Variants in ADAP1 observed in about 807,000 individuals in gnomAD.
The protein encoded by ADAP1 is arf-GAP with dual PH domain-containing protein 1.
ADAP1 carries 31 observed loss-of-function variants against 54.9 expected under a neutral mutation model. That is an observed-to-expected ratio of 0.56 (90% confidence interval 0.42 to 0.76). The LOEUF is 0.76. Ranked by LOEUF, ADAP1 falls within the 30% of genes least tolerant of loss-of-function variation. ADAP1 has a pLI of 0.00. For missense variants in ADAP1, 535 were observed against 512.4 expected, an observed-to-expected ratio of 1.04 and a Z score of -0.42; for synonymous variants, 313 against 202.6, an observed-to-expected ratio of 1.55 and a Z score of -4.63.
rs1179992441 is a variant in ADAP1, at chr7:947,497, C to T, written c.82+6899G>A. Among the ~76,000 whole-genome samples the T allele has an allele frequency of 5.3e-5, 8 of 152,218 alleles. No homozygotes were observed. In the East Asian group the frequency reaches 9.7e-4, roughly 18 times the overall value. On this transcript the variant is annotated intron_variant, in intron 1 of 10. Coordinates refer to ENST00000265846, the MANE Select transcript of ADAP1 (RefSeq NM_006869.4). ...CGTGGCTTCTCACAGAGCCTCACAT[C>T]GCAGGTCCCTCCCGTCTCCCTGGAC...
chr7:947,835 G>GTCC (rs1008439460), intron 1 of ADAP1, among the ~76,000 whole-genome samples: 1 of 151,996 alleles, frequency 6.6e-6, no homozygotes, highest in African/African-American at 2.4e-5. Context: ...CCCACCCAGA[G>GTCC]TCACAGCGCA....
Position 935,365 on chromosome 7 carries a change from C to G in ADAP1, c.213+10G>C. The G allele has an allele frequency of 1.3e-6, 2 of 1,554,430 alleles. No homozygotes were observed. The highest frequency in any genetic ancestry group is 2.7e-5 in the African/African-American group (2 of 73,332). On this transcript the variant is annotated intron_variant, in intron 2 of 10. Coordinates refer to ENST00000265846, the MANE Select transcript of ADAP1 (RefSeq NM_006869.4). Reference sequence around the variant, plus strand: ...ACTGCGCGGGTCCCCCCGCCCCTCCCCCTCCGTACCTCCACTTGGGCCTCC... The same window carrying G: ...ACTGCGCGGGTCCCCCCGCCCCTCCGCCTCCGTACCTCCACTTGGGCCTCC...
chr7:905,803 A>AGGAGAAAGGAGAAGGGAGAAGGGAGAAG (rs1845229415), intron 4 of ADAP1, among the ~76,000 whole-genome samples: 1 of 41,854 alleles, frequency 2.4e-5, no homozygotes, highest in Non-Finnish European at 4.6e-5. Flanking sequence ...GAAAGGAGAA[A>AGGAGAAAGGAGAAGGGAGAAGGGAGAAG]GGAGAAAGGA....
At chr7:919,885 G>A in intron 4 of ADAP1, 83 bp downstream of exon 4, 1 of 814,654 alleles carries the variant, frequency 1.2e-6, no homozygotes, top group Admixed American at 2.4e-5. Flanking sequence ...AGAGATGGGG[G>A]AGGGAGGGAA....
At chr7:954,774 C>G (rs969922967), upstream of ADAP1, 31 of 918,260 alleles carry the variant, frequency 3.4e-5, no homozygotes, top group Non-Finnish European at 3.9e-5. Flanking sequence ...CCTCCTCCCT[C>G]GGCCGCTCCG....
rs570331709 is a variant in ADAP1, at chr7:898,842, C to T, written c.*79G>A. 2,352 of 1,539,848 alleles carry T rather than the reference C, an allele frequency of 1.5e-3. 5 individuals are homozygous for T. The highest frequency in any genetic ancestry group is 3.0e-3 in the Middle Eastern group (18 of 5,980). The stretch of plus-strand genomic sequence containing the variant: ...CAGGTGGGGCCAGGTGGCCTCAGGA[C>T]GCCAGAGCCCCCCCATCCACGGGTC... On this transcript the variant is annotated 3_prime_UTR_variant, in exon 11 of 11. Transcript: ENST00000265846.
At chr7:947,342 C>G (rs891097922) in intron 1 of ADAP1, among the ~76,000 whole-genome samples, 1 of 151,604 alleles carries the variant, frequency 6.6e-6, no homozygotes, top group African/African-American at 2.4e-5. Flanking sequence ...CAGGTGTGAG[C>G]CACCGCGCCT....
intron 2 of ADAP1, among the ~76,000 whole-genome samples, chr7:930,403 C>T (rs10480060): frequency 0.65 from 70,519 of 109,252 alleles, 22,101 homozygotes; most frequent in African/African-American, 0.82. Flanking sequence ...CAGGGCCGGG[C>T]GCGGTGGCTC....
In ADAP1 at chr7:927,543, C is replaced by T. The variant is rs1220963320; in HGVS notation, c.214-899G>A. 1.9e-5 allele frequency: 9 copies of T among 468,506 alleles called. No homozygotes were observed. The Admixed American group carries it at 2.1e-4, about 11-fold the overall frequency. 29.0% of individuals were successfully genotyped at this position (468,506 alleles called of 1,614,324 possible). ...CAGCCAGACTGAAGTCCCCTGACAT[C>T]ACCCTGCTCCGAGGATCACATGGCA... On this transcript the variant is annotated intron_variant, in intron 2 of 10. Coordinates refer to ENST00000265846, the MANE Select transcript of ADAP1 (RefSeq NM_006869.4).
rs558100276 is a variant in ADAP1 at position 901,741 on chromosome 7, C to T, written c.649-1125G>A. Among the ~76,000 whole-genome samples the T allele has an allele frequency of 2.1e-4, 32 of 151,654 alleles. No individual in the cohort carries two copies. In the South Asian group the frequency reaches 5.7e-3, roughly 27 times the overall value. On this transcript the variant is annotated intron_variant, in intron 6 of 10. Coordinates refer to ENST00000265846, the MANE Select transcript of ADAP1 (RefSeq NM_006869.4). ...CCACACCCACGCCACCCAACCAGCCCGAGGCCCCGCCTCCCCTCCTTCCCC... is the reference window on the plus strand; with the variant it reads ...CCACACCCACGCCACCCAACCAGCCTGAGGCCCCGCCTCCCCTCCTTCCCC...
chr7:918,709 G>A (rs775168154), intron 4 of ADAP1, among the ~76,000 whole-genome samples: 4 of 152,166 alleles, frequency 2.6e-5, no homozygotes, highest in Admixed American at 1.3e-4. Context: ...GCTTGCCTCC[G>A]TTTCCCTGTC....
At position 944,282 on chromosome 7, in the gene ADAP1, T is replaced by A. The variant is rs74572369; in HGVS notation, c.83-8777A>T. On this transcript the variant is annotated intron_variant, in intron 1 of 10. Coordinates refer to ENST00000265846, the MANE Select transcript of ADAP1 (RefSeq NM_006869.4). ...TTTTTTTTTTTTTTTTGAGACAGAG[T>A]CTCACTCTATCACCCAGGCTGGAGT... Among the ~76,000 whole-genome samples, 3,236 of 144,156 alleles carry A rather than the reference T, an allele frequency of 0.022. 138 individuals carry two copies. The East Asian group carries it at 0.22, about 10-fold the overall frequency. 94.6% of individuals were successfully genotyped at this position (144,156 alleles called of 152,430 possible).
At chr7:914,894 G>A (rs576501376) in intron 4 of ADAP1, among the ~76,000 whole-genome samples, 96 of 152,114 alleles carry the variant, frequency 6.3e-4, no homozygotes, top group African/African-American at 2.3e-3. Flanking sequence ...AGGGTAGAGG[G>A]GAGGCTTCAA....
At chr7:954,246 C>T in intron 1 of ADAP1, 150 bp downstream of exon 1, 2 of 782,904 alleles carry the variant, frequency 2.6e-6, no homozygotes, top group Non-Finnish European at 3.1e-6. Flanking sequence ...GGGCCCCATC[C>T]GAGCGCCGAT....
chr7:941,040 TAAGAA>T (rs1479170211), intron 1 of ADAP1, among the ~76,000 whole-genome samples: 1 of 151,434 alleles, frequency 6.6e-6, no homozygotes, highest in African/African-American at 2.4e-5. Flanking sequence ...CTCAGAAAAC[TAAGAA>T]TAGAGGGGAA....
chr7:902,087 C>T (rs890616511), intron 6 of ADAP1, among the ~76,000 whole-genome samples: 2 of 151,932 alleles, frequency 1.3e-5, no homozygotes, highest in African/African-American at 2.4e-5. Flanking sequence ...CTGCCCTGGG[C>T]GGGGGGAATT....
chr7:950,997 T>C (rs1168916028), intron 1 of ADAP1, among the ~76,000 whole-genome samples: 1 of 151,574 alleles, frequency 6.6e-6, no homozygotes, highest in East Asian at 1.9e-4. Context: ...CTGGAGATGA[T>C]GGTGGTGGCG....
chr7:941,697 A>G (rs1846943540), intron 1 of ADAP1, among the ~76,000 whole-genome samples: 1 of 152,234 alleles, frequency 6.6e-6, no homozygotes, highest in South Asian at 2.1e-4. Context: ...TGGGAGACTC[A>G]ACATTAATAA....
At position 935,406 on chromosome 7, in the gene ADAP1, C is replaced by A; in HGVS notation, c.182G>T (p.Arg61Leu). The A allele has an allele frequency of 6.4e-7, 1 of 1,560,824 alleles. No individual in the cohort carries two copies. Among genetic ancestry groups the A allele is most frequent in the Admixed American group, 1.9e-5 (1 of 52,676 alleles). Residue 61 changes from arginine to leucine, a missense_variant, in exon 2 of 11, where the codon CGC becomes CTC. Physicochemically the swap from Arg to Leu is moderately radical, Grantham distance 102. Transcript: ENST00000265846. ...IPQVSKVKSVRLDAWEEAQVE... is the reference protein window; with the variant it reads ...IPQVSKVKSVLLDAWEEAQVE... ...TTGGGCCTCCTCCCAGGCGTCCAGG[C>A]GGACGGACTTCACCTTGCTGACCTG...
Sources: allele counts gnomAD v4.1 joint callset (sites outside exome capture counted in the v4.1 genomes callset), GRCh38; gene constraint gnomAD v4.1.1; transcripts MANE v1.5; gene names NCBI Gene and HGNC (gene_info 2026-07-23, HGNC 2026-07-21).